Variants in PCCA observed in about 807,000 individuals in gnomAD.
PCCA encodes propionyl-CoA carboxylase alpha chain, mitochondrial.
A neutral mutation model predicts 101.3 loss-of-function variants in PCCA; 74 were observed. That is an observed-to-expected ratio of 0.73 (90% CI 0.61 to 0.89). PCCA has a LOEUF of 0.89. Among genes scored for constraint, PCCA ranks in the 40% least tolerant of loss-of-function variants. The probability of loss-of-function intolerance (pLI) is 0.00; values close to 1 mark genes in which losing one functional copy is unlikely to be tolerated. For missense variants in PCCA, 891 were observed against 907.0 expected (o/e 0.98, Z 0.23); for synonymous variants, 294 against 313.6 (o/e 0.94, Z 0.66).
intron 19 of PCCA, among the ~76,000 whole-genome samples, chr13:100,413,271 G>C (rs2078163626): frequency 6.6e-6 from 1 of 152,172 alleles, no homozygotes; most frequent in Admixed American, 6.5e-5. Flanking sequence ...GTGGGAATTA[G>C]GCAAAGGAAA....
chr13:100,152,781 CAT>C lies in PCCA; in HGVS notation c.301-2196_301-2195del, dbSNP rs1460322923. On this transcript the variant is annotated intron_variant, in intron 4 of 23. Coordinates refer to ENST00000376285, the MANE Select transcript of PCCA (RefSeq NM_000282.4). ...TATGTTTATAAAACGTTTGTGATAACATAGGAAAAATGTCTATTATGCTAGTT... is the reference window on the plus strand; with the variant it reads ...TATGTTTATAAAACGTTTGTGATAACAGGAAAAATGTCTATTATGCTAGTT... Among the ~76,000 whole-genome samples the C allele has an allele frequency of 2.6e-5, 4 of 152,158 alleles. No homozygotes were observed. In the East Asian group the frequency reaches 5.8e-4, roughly 22 times the overall value.
At chr13:100,377,619 C>T (rs776983216) in intron 19 of PCCA, among the ~76,000 whole-genome samples, 7 of 152,064 alleles carry the variant, frequency 4.6e-5, no homozygotes, top group African/African-American at 7.2e-5. Flanking sequence ...CTCAGCCTCT[C>T]GAGTAGCTGG....
rs552861151 is a variant in PCCA, at chr13:100,376,863, T to A, written c.1746+8289T>A. On this transcript the variant is annotated intron_variant, in intron 19 of 23. Transcript: ENST00000376285. ...GCACCACTGGGGTATGAAAAAAAAC[T>A]CCTGCAGCTAGCTTGGTGTCTGCCC... is the stretch of plus-strand genomic sequence containing the variant. Among the ~76,000 whole-genome samples the A allele has an allele frequency of 1.2e-3, 176 of 152,294 alleles. 1 individual carries two copies. Among genetic ancestry groups the A allele is most frequent in the African/African-American group, 4.0e-3 (166 of 41,568 alleles).
In PCCA at chr13:100,383,615, G is replaced by GA. The variant is rs112283573; in HGVS notation, c.1746+15052dup. 2.7e-3 allele frequency among the ~76,000 whole-genome samples: 383 copies of GA among 144,460 alleles called. 1 individual carries two copies. The highest frequency in any genetic ancestry group is 6.9e-3 in the African/African-American group (275 of 39,576). 94.8% of individuals were successfully genotyped at this position (144,460 alleles called of 152,430 possible). On this transcript the variant is annotated intron_variant, in intron 19 of 23. Coordinates refer to ENST00000376285, the MANE Select transcript of PCCA (RefSeq NM_000282.4). ...AGAGTGAAATCCTGGACCCCGTGTC[G>GA]AAAAAAAAAAATAAAGATTTGAGAT...
At chr13:100,465,682 G>A (rs1053249534) in intron 21 of PCCA, among the ~76,000 whole-genome samples, 9 of 152,162 alleles carry the variant, frequency 5.9e-5, no homozygotes, top group Admixed American at 3.9e-4. Flanking sequence ...CATCCTTGGC[G>A]TCCACCAACT....
In PCCA at chr13:100,425,694, T is replaced by C. The variant is rs1427313509; in HGVS notation, c.1808T>C (p.Leu603Ser). 2.5e-6 allele frequency: 4 copies of C among 1,614,016 alleles called. No homozygotes were observed. The highest frequency in any genetic ancestry group is 3.4e-6 in the Non-Finnish European group (4 of 1,179,938). Residue 603 changes from leucine to serine, a missense_variant, in exon 20 of 24, where the codon TTG becomes TCG. Physicochemically the swap from Leu to Ser is moderately radical, Grantham distance 145 (BLOSUM62 -2). Transcript: ENST00000376285. ...TSTWNLASPL[L>S]SVSVDGTQRT... is the part of the protein sequence containing the mutation. ...ACGTGGAACCTGGCTTCGCCCTTAT[T>C]GTCTGTCAGCGTTGATGGCACTCAG... is the stretch of plus-strand genomic sequence containing the variant.
At chr13:100,258,902 A>G (rs1224400951) in intron 9 of PCCA, among the ~76,000 whole-genome samples, 3 of 150,924 alleles carry the variant, frequency 2.0e-5, no homozygotes, top group Admixed American at 2.0e-4. Flanking sequence ...CATCTCAGAA[A>G]ACTTGTTGAG....
intron 11 of PCCA, among the ~76,000 whole-genome samples, chr13:100,269,541 A>G (rs2063168009): frequency 6.6e-6 from 1 of 152,214 alleles, no homozygotes; most frequent in Non-Finnish European, 1.5e-5. Flanking sequence ...TCTCCAGGGC[A>G]TCTTTCATGA....
chr13:100,351,291 C>T (rs2073238963), intron 18 of PCCA, among the ~76,000 whole-genome samples: 4 of 152,194 alleles, frequency 2.6e-5, no homozygotes, highest in Admixed American at 2.0e-4. Flanking sequence ...TATTTGTGTT[C>T]AGCCTTGTTC....
intron 22 of PCCA, among the ~76,000 whole-genome samples, chr13:100,523,174 T>C (rs1034588966): frequency 6.6e-5 from 10 of 152,198 alleles, no homozygotes; most frequent in African/African-American, 2.4e-4. Flanking sequence ...TCTCTGTCTT[T>C]TAATCTTTGT....
chr13:100,511,596 TAACA>T (rs1328721636), intron 21 of PCCA, among the ~76,000 whole-genome samples: 1 of 152,230 alleles, frequency 6.6e-6, no homozygotes, highest in Non-Finnish European at 1.5e-5. Flanking sequence ...GAAAGAACAT[TAACA>T]GTCAGTCAAC....
intron 8 of PCCA, among the ~76,000 whole-genome samples, chr13:100,246,416 C>T (rs1299169966): frequency 6.6e-6 from 1 of 151,972 alleles, no homozygotes; most frequent in African/African-American, 2.4e-5. Flanking sequence ...CTCAAGCGAT[C>T]CTCCCACCTC....
At chr13:100,242,184 G>T (rs985068197) in intron 8 of PCCA, among the ~76,000 whole-genome samples, 1 of 152,120 alleles carries the variant, frequency 6.6e-6, no homozygotes, top group Admixed American at 6.6e-5. Context: ...CACTTTAGAT[G>T]CAGAGACACA....
At chr13:100,174,070 T>C (rs573830371) in intron 6 of PCCA, among the ~76,000 whole-genome samples, 1 of 152,254 alleles carries the variant, frequency 6.6e-6, no homozygotes, top group East Asian at 1.9e-4. Context: ...GATTCCCTTG[T>C]TTGGAGGATT....
chr13:100,442,384 A>T (rs1236640711), intron 20 of PCCA, among the ~76,000 whole-genome samples: 1 of 152,208 alleles, frequency 6.6e-6, no homozygotes, highest in Non-Finnish European at 1.5e-5. Context: ...ACCTGCTTTA[A>T]ATTGAATGCA....
chr13:100,394,937 G>A lies in PCCA; in HGVS notation c.1746+26363G>A, dbSNP rs1270651229. Among the ~76,000 whole-genome samples the A allele has an allele frequency of 6.6e-6, 1 of 152,112 alleles. No individual in the cohort carries two copies. Among genetic ancestry groups the A allele is most frequent in the Non-Finnish European group, 1.5e-5 (1 of 68,018 alleles). The stretch of plus-strand genomic sequence containing the variant: ...GGCAGCTTTTATCTTCTGTGTCCGT[G>A]ATTCTAATTACATTTCAGGGGGTTG... On this transcript the variant is annotated intron_variant, in intron 19 of 23. Coordinates refer to ENST00000376285, the MANE Select transcript of PCCA (RefSeq NM_000282.4). This position sits in a 1 kb window ranked among gnomAD's most constrained non-coding sequence, Gnocchi z 4.3.
rs1411850422 is a variant in PCCA at position 100,458,708 on chromosome 13, A to C, written c.1899+9403A>C. 4.6e-5 allele frequency among the ~76,000 whole-genome samples: 7 copies of C among 152,126 alleles called. 1 individual carries two copies. Among genetic ancestry groups the C allele is most frequent in the Admixed American group, 6.5e-5 (1 of 15,268 alleles). The stretch of plus-strand genomic sequence containing the variant: ...CCAGTTTTTTGTTTAATGAAGGAAA[A>C]GTTTTCCAAATTAACAGAATGGGAC... On this transcript the variant is annotated intron_variant, in intron 21 of 23. Coordinates refer to ENST00000376285, the MANE Select transcript of PCCA (RefSeq NM_000282.4).
intron 6 of PCCA, among the ~76,000 whole-genome samples, chr13:100,205,515 A>T (rs1594723765): frequency 6.7e-6 from 1 of 148,186 alleles, no homozygotes; most frequent in African/African-American, 2.5e-5. Flanking sequence ...GACAAAAAAT[A>T]GTCACTAAAT....
chr13:100,092,586 G>A (rs918820400), intron 1 of PCCA, among the ~76,000 whole-genome samples: 2 of 152,068 alleles, frequency 1.3e-5, no homozygotes, highest in South Asian at 4.2e-4. Context: ...TAGAGATGGG[G>A]TTTTGCTATG....
Sources: gnomAD v4.1 joint callset for allele counts (sites outside exome capture counted in the v4.1 genomes callset) on GRCh38, gnomAD v4.1.1 for gene constraint, Gnocchi (gnomAD v3.1) non-coding constraint, MANE v1.5 for transcripts, NCBI Gene and HGNC (gene_info 2026-07-23, HGNC 2026-07-21) for gene names.